GFOD1: variants seen among roughly 807,000 people sequenced by gnomAD.
GFOD1 encodes glucose-fructose oxidoreductase domain-containing protein 1.
A neutral mutation model predicts 25.4 loss-of-function variants in GFOD1; 9 were observed. That is an observed-to-expected ratio of 0.35 (90% CI 0.21 to 0.62). The LOEUF (loss-of-function observed/expected upper bound fraction) is 0.62, where lower values mean the gene tolerates loss of function less well. Among genes scored for constraint, GFOD1 ranks in the 20% least tolerant of loss-of-function variants. The probability of loss-of-function intolerance (pLI) is 0.72; values close to 1 mark genes in which losing one functional copy is unlikely to be tolerated. For missense variants in GFOD1, 403 were observed against 556.9 expected (o/e 0.72, Z 2.78); for synonymous variants, 253 against 245.6 (o/e 1.03, Z -0.28).
intron 1 of GFOD1, among the ~76,000 whole-genome samples, chr6:13,388,435 AC>A: frequency 6.6e-6 from 1 of 152,356 alleles, no homozygotes; most frequent in East Asian, 1.9e-4. Flanking sequence ...ATGGAACAGA[AC>A]AGAGGCCTCA....
At chr6:13,437,303 A>T (rs983641732) in intron 1 of GFOD1, among the ~76,000 whole-genome samples, 15 of 152,112 alleles carry the variant, frequency 9.9e-5, no homozygotes, top group African/African-American at 3.6e-4. Flanking sequence ...CCTTTCTCTA[A>T]CCACAGCAAA....
At chr6:13,380,268 C>T (rs1286096323) in intron 1 of GFOD1, among the ~76,000 whole-genome samples, 2 of 152,188 alleles carry the variant, frequency 1.3e-5, no homozygotes, top group African/African-American at 4.8e-5. Context: ...GTCCTGCCAG[C>T]TTTGTTAAGA....
chr6:13,376,755 C>G (rs955746880), intron 1 of GFOD1, among the ~76,000 whole-genome samples: 3 of 152,138 alleles, frequency 2.0e-5, no homozygotes, highest in Non-Finnish European at 4.4e-5. Flanking sequence ...CCAAGCATGG[C>G]GTGAAACCTC....
intron 1 of GFOD1, among the ~76,000 whole-genome samples, chr6:13,388,613 C>G (rs930918854): frequency 1.4e-4 from 21 of 152,182 alleles, no homozygotes; most frequent in Admixed American, 1.3e-3. Flanking sequence ...AAAATTAACT[C>G]AAGATGGATT....
At chr6:13,479,365 G>T (rs1484359330) in intron 1 of GFOD1, among the ~76,000 whole-genome samples, 1 of 152,106 alleles carries the variant, frequency 6.6e-6, no homozygotes, top group African/African-American at 2.4e-5. Flanking sequence ...TGTGTTATTG[G>T]TAAGAAAACT....
chr6:13,409,382 A>C (rs925514792), intron 1 of GFOD1, among the ~76,000 whole-genome samples: 2 of 151,440 alleles, frequency 1.3e-5, no homozygotes, highest in Admixed American at 1.3e-4. Context: ...GAAGGAAGGA[A>C]GGAAGGAAGG....
At chr6:13,395,687 T>G (rs1785714848) in intron 1 of GFOD1, among the ~76,000 whole-genome samples, 2 of 152,230 alleles carry the variant, frequency 1.3e-5, no homozygotes, top group Non-Finnish European at 2.9e-5. Flanking sequence ...GTCAGAAATG[T>G]TAGCCCTTTT....
rs1758884480 is a variant in GFOD1, at chr6:13,486,866, C to A, written c.25G>T (p.Gly9Cys). 1.9e-6 allele frequency: 3 copies of A among 1,611,724 alleles called. No individual in the cohort carries two copies. The highest frequency in any genetic ancestry group is 2.5e-6 in the Non-Finnish European group (3 of 1,179,986). Residue 9 changes from glycine (G) to cysteine (C), a missense_variant, in exon 1 of 2, where the codon GGC becomes TGC. Gly to Cys is a radical substitution (Grantham distance 159). Coordinates refer to ENST00000379287, the MANE Select transcript of GFOD1 (RefSeq NM_018988.4). ...ATGACACGGGCCGTGAGGCTGGTGC[C>A]GAACACGCCCACCCCGGGAAGCATG... MLPGVGVF[G>C]TSLTARVIIP...
intron 1 of GFOD1, among the ~76,000 whole-genome samples, chr6:13,428,999 G>A (rs1757697446): frequency 6.6e-6 from 1 of 152,208 alleles, no homozygotes; most frequent in South Asian, 2.1e-4. Flanking sequence ...CCAAGTCCCT[G>A]AGCACGTGAG....
intron 1 of GFOD1, among the ~76,000 whole-genome samples, chr6:13,383,179 C>T (rs111885350): frequency 0.025 from 3,856 of 152,124 alleles, 69 homozygotes; most frequent in Middle Eastern, 0.044. Flanking sequence ...CTTTGTAATC[C>T]CACAAACATT....
chr6:13,422,662 C>T (rs1353539823), intron 1 of GFOD1, among the ~76,000 whole-genome samples: 2 of 152,174 alleles, frequency 1.3e-5, no homozygotes, highest in Admixed American at 6.5e-5. Context: ...AAAAAAGAAA[C>T]CCGTGTCCCC....
At chr6:13,396,667 CAGG>C (rs1195374251) in intron 1 of GFOD1, among the ~76,000 whole-genome samples, 1 of 152,112 alleles carries the variant, frequency 6.6e-6, no homozygotes, top group Non-Finnish European at 1.5e-5. Context: ...AAGAAGGAAG[CAGG>C]AGATCAGAAT....
rs1408767524 is a variant in GFOD1 at position 13,430,299 on chromosome 6, T to C, written c.253+56339A>G. Among the ~76,000 whole-genome samples the C allele has an allele frequency of 2.0e-5, 3 of 152,006 alleles. No individual in the cohort carries two copies. The highest frequency in any genetic ancestry group is 7.3e-5 in the African/African-American group (3 of 41,374). On this transcript the variant is annotated intron_variant, in intron 1 of 1. Transcript: ENST00000379287. The surrounding 1 kb of genome is among the most constrained non-coding windows in gnomAD (Gnocchi z 4.1). Reference sequence around the variant, plus strand: ...TAAAAATACAAAAATTAGCCGGGCATGGTGGCACACATCTATAATCCCAGC... The same window carrying C: ...TAAAAATACAAAAATTAGCCGGGCACGGTGGCACACATCTATAATCCCAGC...
intron 1 of GFOD1, among the ~76,000 whole-genome samples, chr6:13,400,404 T>TA (rs1341010538): frequency 6.6e-6 from 1 of 152,178 alleles, no homozygotes; most frequent in Non-Finnish European, 1.5e-5. Context: ...TAGGCACCTC[T>TA]GTGCTGATGG....
At chr6:13,397,960 G>C (rs955570832) in intron 1 of GFOD1, among the ~76,000 whole-genome samples, 1 of 152,224 alleles carries the variant, frequency 6.6e-6, no homozygotes, top group African/African-American at 2.4e-5. Context: ...ATCTTCCAAA[G>C]TATGCATCTT....
At chr6:13,418,185 T>C (rs1051345089) in intron 1 of GFOD1, among the ~76,000 whole-genome samples, 1 of 152,150 alleles carries the variant, frequency 6.6e-6, no homozygotes, top group Non-Finnish European at 1.5e-5. Flanking sequence ...TTCACCTACT[T>C]AGTAAAAATC....
chr6:13,485,159 C>T (rs1435616730), intron 1 of GFOD1, among the ~76,000 whole-genome samples: 1 of 152,204 alleles, frequency 6.6e-6, no homozygotes, highest in East Asian at 1.9e-4. Flanking sequence ...TTAAAACTGA[C>T]AATGTGGGCA....
intron 1 of GFOD1, among the ~76,000 whole-genome samples, chr6:13,411,158 T>C (rs761824798): frequency 1.3e-5 from 2 of 152,152 alleles, no homozygotes; most frequent in Non-Finnish European, 2.9e-5. Flanking sequence ...AAGGGACACC[T>C]TGAAACACAG....
At chr6:13,406,201 G>A (rs1785942121) in intron 1 of GFOD1, among the ~76,000 whole-genome samples, 1 of 152,218 alleles carries the variant, frequency 6.6e-6, no homozygotes, top group Non-Finnish European at 1.5e-5. Context: ...CCAGGATTTT[G>A]CTGGCTCCAG....
Sources: allele counts gnomAD v4.1 joint callset (sites outside exome capture counted in the v4.1 genomes callset), GRCh38; gene constraint gnomAD v4.1.1; non-coding constraint Gnocchi (gnomAD v3.1); transcripts MANE v1.5; gene names NCBI Gene and HGNC (gene_info 2026-07-23, HGNC 2026-07-21).